LRRC37A: variants seen among roughly 807,000 people sequenced by gnomAD.
LRRC37A encodes leucine rich repeat containing 37A, also known as leucine-rich repeat-containing protein 37A.
A neutral mutation model predicts 35.4 loss-of-function variants in LRRC37A; 3 were observed. That is an observed-to-expected ratio of 0.08 (90% CI 0.04 to 0.22). LRRC37A has a LOEUF of 0.22. Among genes scored for constraint, LRRC37A ranks in the 10% least tolerant of loss-of-function variants. The pLI is 1.00. For missense variants in LRRC37A, 67 were observed against 565.3 expected (o/e 0.12, Z 8.94); for synonymous variants, 23 against 215.0 (o/e 0.11, Z 7.81).
At chr17:46,321,357 GAAAAA>G (rs763727306) in intron 5 of LRRC37A, among the ~76,000 whole-genome samples, 8 of 31,364 alleles carry the variant, frequency 2.6e-4, no homozygotes, top group Middle Eastern at 0.022. Context: ...CTCCGTCTCA[GAAAAA>G]AAAAAAAAAA....
the LRRC37A span, among the ~76,000 whole-genome samples, chr17:46,268,060 C>T: frequency 6.6e-6 from 1 of 151,770 alleles, no homozygotes; most frequent in Admixed American, 6.6e-5. Flanking sequence ...GCCACTGCGC[C>T]CAGCCCCACT....
chr17:46,260,506 C>A, the LRRC37A span: 7 of 1,605,592 alleles, frequency 4.4e-6, no homozygotes, highest in Non-Finnish European at 5.1e-6. Flanking sequence ...ACTTCCTCTG[C>A]CCGTTCACCT....
the LRRC37A span, chr17:46,267,125 C>T: frequency 1.9e-6 from 1 of 518,116 alleles, no homozygotes; most frequent in Middle Eastern, 5.1e-4. Context: ...CATGGACGGG[C>T]GAGAGGCGTT....
chr17:46,260,541 G>C, the LRRC37A span: 1 of 1,575,778 alleles, frequency 6.3e-7, no homozygotes, highest in Non-Finnish European at 8.7e-7. Context: ...CTGTCTCCCT[G>C]ACCCACGCCT....
At chr17:46,291,920 C>T (rs935579780), upstream of LRRC37A, among the ~76,000 whole-genome samples, 14 of 149,314 alleles carry the variant, frequency 9.4e-5, no homozygotes, top group South Asian at 6.3e-4. Flanking sequence ...GTGATTGCAC[C>T]GCTGCACTCC....
chr17:46,254,993 G>A, the LRRC37A span, among the ~76,000 whole-genome samples: 17,515 of 147,366 alleles, frequency 0.12, no homozygotes, highest in Non-Finnish European at 0.18. Flanking sequence ...ACACCACTAT[G>A]CCCAGCTAAT....
the LRRC37A span, among the ~76,000 whole-genome samples, chr17:46,262,769 G>C: frequency 1.5e-5 from 2 of 137,664 alleles, no homozygotes; most frequent in Admixed American, 7.8e-5. Flanking sequence ...TGGGCAACAA[G>C]AGCAAAACTC....
At chr17:46,304,998 A>G (rs1260381548) in intron 3 of LRRC37A, among the ~76,000 whole-genome samples, 1 of 83,034 alleles carries the variant, frequency 1.2e-5, no homozygotes, top group East Asian at 2.9e-4. Flanking sequence ...CCTCCTGAGC[A>G]GCTAGGACTA....
chr17:46,291,567 C>T (rs2050068172), upstream of LRRC37A, among the ~76,000 whole-genome samples: 1 of 151,606 alleles, frequency 6.6e-6, no homozygotes, highest in East Asian at 1.9e-4. Context: ...CAACACTCCT[C>T]TCACTCAAAA....
chr17:46,275,429 T>C, the LRRC37A span: 8 of 925,232 alleles, frequency 8.6e-6, no homozygotes, highest in Non-Finnish European at 1.3e-5. Context: ...CTACAGAGTA[T>C]AGAAAAAGGG....
chr17:46,324,512 TTTTA>T (rs1283563191), intron 7 of LRRC37A, among the ~76,000 whole-genome samples: 1 of 74,094 alleles, frequency 1.3e-5, no homozygotes, highest in Non-Finnish European at 4.0e-5. Context: ...GATGTATCTT[TTTTA>T]TTTTTTATTT....
chr17:46,276,664 A>C, the LRRC37A span, among the ~76,000 whole-genome samples: 1 of 152,252 alleles, frequency 6.6e-6, no homozygotes, highest in Admixed American at 6.5e-5. Flanking sequence ...AATAAAATCA[A>C]GTTTCAATAA....
chr17:46,255,028 G>A, the LRRC37A span, among the ~76,000 whole-genome samples: 2 of 152,102 alleles, frequency 1.3e-5, no homozygotes, highest in Non-Finnish European at 2.9e-5. Context: ...TAGAGGTGGG[G>A]TTTCACCATG....
At chr17:46,269,730 GA>G in the LRRC37A span, among the ~76,000 whole-genome samples, 1 of 152,218 alleles carries the variant, frequency 6.6e-6, no homozygotes, top group Non-Finnish European at 1.5e-5. Flanking sequence ...ACTGTATTCT[GA>G]GTGTATCTGA....
At chr17:46,289,343 A>AC (rs1283451911), upstream of LRRC37A, among the ~76,000 whole-genome samples, 1 of 151,492 alleles carries the variant, frequency 6.6e-6, no homozygotes, top group East Asian at 1.9e-4. Flanking sequence ...ATGCCCAGCT[A>AC]CTTTTTTTTT....
At chr17:46,276,804 T>TTTA in the LRRC37A span, among the ~76,000 whole-genome samples, 1 of 151,400 alleles carries the variant, frequency 6.6e-6, no homozygotes, top group African/African-American at 2.4e-5. Flanking sequence ...TTTTTTTTTT[T>TTTA]TTTGATTTGT....
At chr17:46,325,767 T>C (rs2051700251) in intron 7 of LRRC37A, among the ~76,000 whole-genome samples, 1 of 78,462 alleles carries the variant, frequency 1.3e-5, no homozygotes, top group African/African-American at 3.2e-5. Context: ...AGGGTCATTA[T>C]GTCTGCAACT....
At chr17:46,290,138 C>CT (rs961616458), upstream of LRRC37A, among the ~76,000 whole-genome samples, 1 of 152,274 alleles carries the variant, frequency 6.6e-6, no homozygotes, top group African/African-American at 2.4e-5. Context: ...CAAAACAAAA[C>CT]TTTTTTTTGG....
the LRRC37A span, among the ~76,000 whole-genome samples, chr17:46,252,169 T>C: frequency 9.9e-5 from 15 of 152,174 alleles, no homozygotes; most frequent in African/African-American, 3.6e-4. Flanking sequence ...GCCAAATAAA[T>C]AAAGTATCAG....
Sources: allele counts gnomAD v4.1 joint callset (sites outside exome capture counted in the v4.1 genomes callset), GRCh38; gene constraint gnomAD v4.1.1; transcripts MANE v1.5; gene names NCBI Gene and HGNC (gene_info 2026-07-23, HGNC 2026-07-21).